Variants in GOLGA4 observed in about 807,000 individuals in gnomAD.
GOLGA4 encodes the protein golgin subfamily A member 4.
Under a neutral mutation model 265.9 loss-of-function variants are expected in GOLGA4, and 169 were observed. That is an observed-to-expected ratio of 0.64 (90% CI 0.56 to 0.72). GOLGA4 has a LOEUF of 0.72. Ranked by LOEUF, GOLGA4 falls within the 30% of genes least tolerant of loss-of-function variation. The probability of loss-of-function intolerance (pLI) is 0.00; values close to 1 mark genes in which losing one functional copy is unlikely to be tolerated. For missense variants in GOLGA4, 2,482 were observed against 2,483.4 expected, an observed-to-expected ratio of 1.00 and a Z score of 0.01; for synonymous variants, 923 against 855.8, an observed-to-expected ratio of 1.08 and a Z score of -1.37.
At chr3:37,312,490 G>A (rs2096925747) in intron 10 of GOLGA4, among the ~76,000 whole-genome samples, 1 of 151,454 alleles carries the variant, frequency 6.6e-6, no homozygotes, top group Admixed American at 6.6e-5. Flanking sequence ...CTTGGGGTTT[G>A]CAGGCAAATG....
chr3:37,288,038 T>G (rs1237393077), intron 4 of GOLGA4, among the ~76,000 whole-genome samples: 1 of 152,102 alleles, frequency 6.6e-6, no homozygotes, highest in Admixed American at 6.6e-5. Context: ...AGTACCTTCC[T>G]TACCCCACCC....
At chr3:37,364,926 G>A (rs1696631386) in intron 23 of GOLGA4, among the ~76,000 whole-genome samples, 1 of 151,662 alleles carries the variant, frequency 6.6e-6, no homozygotes, top group Non-Finnish European at 1.5e-5. Context: ...TTGAGACAAG[G>A]TGTCACTGTC....
intron 14 of GOLGA4, among the ~76,000 whole-genome samples, 183 bp from the exon 15 acceptor site, chr3:37,328,233 G>GACACACACACACAC (rs4021346): frequency 2.3e-4 from 32 of 138,536 alleles, no homozygotes; most frequent in Middle Eastern, 3.5e-3. Context: ...TATGTACCTG[G>GACACACACACACAC]ACACACACAC....
At chr3:37,330,127 A>C (rs2096985227) in intron 16 of GOLGA4, among the ~76,000 whole-genome samples, 1 of 152,082 alleles carries the variant, frequency 6.6e-6, no homozygotes, top group Middle Eastern at 3.2e-3. Context: ...GCTAAATGAA[A>C]AAAAAAAAGT....
At chr3:37,275,126 G>C (rs1913455) in intron 2 of GOLGA4, among the ~76,000 whole-genome samples, 2 of 135,686 alleles carry the variant, frequency 1.5e-5, no homozygotes, top group African/African-American at 5.5e-5. Flanking sequence ...TGAGGCAGGA[G>C]AATTGCTTGA....
chr3:37,361,991 A>G (rs1053513130), intron 23 of GOLGA4, among the ~76,000 whole-genome samples: 2 of 152,190 alleles, frequency 1.3e-5, no homozygotes, highest in African/African-American at 4.8e-5. Context: ...TTTTCATGCT[A>G]TTAGGTTGAT....
chr3:37,325,741 A>C lies in GOLGA4; in HGVS notation c.3855A>C (p.Gln1285His). 6.2e-7 allele frequency: 1 copy of C among 1,613,758 alleles called. No individual in the cohort carries two copies. Among genetic ancestry groups the C allele is most frequent in the Non-Finnish European group, 8.5e-7 (1 of 1,179,718 alleles). The change falls in exon 14 of 24, where the codon CAA becomes CAC. Residue 1285 changes from glutamine (Q) to histidine (H), a missense_variant. By Grantham distance (24) the Gln-to-His change is conservative. Transcript: ENST00000361924. ...AACTTAGACAGTTGACAGAGGAGCAAAATACACTAAATATTTCTTTTCAAC... is the reference window on the plus strand; with the variant it reads ...AACTTAGACAGTTGACAGAGGAGCACAATACACTAAATATTTCTTTTCAAC... ...EAQLRQLTEE[Q>H]NTLNISFQQA... is the part of the protein sequence containing the mutation.
In GOLGA4 at chr3:37,340,191, C is replaced by G. The variant is rs1243271741; in HGVS notation, c.6464C>G (p.Pro2155Arg). 7.5e-7 allele frequency: 1 copy of G among 1,330,632 alleles called. No homozygotes were observed. Among genetic ancestry groups the G allele is most frequent in the Non-Finnish European group, 1.1e-6 (1 of 945,878 alleles). 82.4% of individuals were successfully genotyped at this position (1,330,632 alleles called of 1,614,324 possible). The stretch of plus-strand genomic sequence containing the variant: ...GTATATGCAACAACTGTGGGGACAC[C>G]TTACAAAGGTAAGGATGATCTCGTG... ...KNVYATTVGT[P>R]YKGGNLYHTD... The change falls in exon 20 of 24, where the codon CCT becomes CGT. Residue 2155 changes from proline to arginine, a missense_variant. Pro to Arg is a moderately radical substitution (Grantham distance 103, BLOSUM62 -2). Around this residue, in one of 3 missense-constraint regions of GOLGA4, gnomAD observed 942 missense variants for 983.1 expected, o/e 0.96. Coordinates refer to ENST00000361924, the MANE Select transcript of GOLGA4 (RefSeq NM_002078.5).
At chr3:37,337,266 C>A in intron 18 of GOLGA4, 103 bp downstream of exon 18, 2 of 668,268 alleles carry the variant, frequency 3.0e-6, no homozygotes, top group Non-Finnish European at 2.6e-6. Context: ...GTGATGCAAT[C>A]TTGGCTCACT....
intron 3 of GOLGA4, among the ~76,000 whole-genome samples, chr3:37,282,844 C>T (rs2096838467): frequency 6.6e-6 from 1 of 152,186 alleles, no homozygotes; most frequent in Non-Finnish European, 1.5e-5. Context: ...CAATGCTAGT[C>T]CATTTCACTT....
At chr3:37,278,950 T>G (rs953515915) in intron 2 of GOLGA4, among the ~76,000 whole-genome samples, 2 of 152,042 alleles carry the variant, frequency 1.3e-5, no homozygotes, top group African/African-American at 2.4e-5. Context: ...GTGACTGGGA[T>G]TACAGATGTC....
chr3:37,276,083 C>T lies in GOLGA4; in HGVS notation c.163-5875C>T, dbSNP rs1433927912. 2.5e-6 allele frequency: 4 copies of T among 1,612,144 alleles called. No homozygotes were observed. The Admixed American group carries it at 6.7e-5, about 27-fold the overall frequency. The stretch of plus-strand genomic sequence containing the variant: ...TCGAGATACTTATGTTTCATCCTTT[C>T]CTCGGGCACCAAGCACTTCTGATTC... On this transcript the variant is annotated intron_variant, in intron 2 of 23. Coordinates refer to ENST00000361924, the MANE Select transcript of GOLGA4 (RefSeq NM_002078.5).
At chr3:37,245,842 G>A (rs2096717991) in intron 1 of GOLGA4, among the ~76,000 whole-genome samples, 1 of 152,048 alleles carries the variant, frequency 6.6e-6, no homozygotes, top group Non-Finnish European at 1.5e-5. Flanking sequence ...GGGATTACAG[G>A]TGTGAGCCAC....
chr3:37,304,339 G>T (rs185729209), intron 10 of GOLGA4, among the ~76,000 whole-genome samples: 81 of 152,214 alleles, frequency 5.3e-4, no homozygotes, highest in African/African-American at 1.8e-3. Context: ...CCATCTTCTT[G>T]GACTTATTTT....
chr3:37,295,443 C>G (rs1305862014), intron 6 of GOLGA4, among the ~76,000 whole-genome samples: 1 of 152,084 alleles, frequency 6.6e-6, no homozygotes, highest in African/African-American at 2.4e-5. Context: ...GGTCTCAAAC[C>G]CCTGGGCTCA....
intron 10 of GOLGA4, among the ~76,000 whole-genome samples, chr3:37,309,280 G>C (rs961528901): frequency 6.6e-6 from 1 of 150,490 alleles, no homozygotes. Flanking sequence ...TATAGGCCGG[G>C]CGTGATGGCT....
intron 11 of GOLGA4, among the ~76,000 whole-genome samples, chr3:37,316,111 A>G (rs992044537): frequency 2.6e-5 from 4 of 152,004 alleles, no homozygotes; most frequent in African/African-American, 7.3e-5. Flanking sequence ...TTAAAATCCC[A>G]TAGATTTTCA....
intron 20 of GOLGA4, among the ~76,000 whole-genome samples, chr3:37,340,578 T>C (rs76424172): frequency 0.032 from 4,820 of 152,292 alleles, 179 homozygotes; most frequent in African/African-American, 0.09. Flanking sequence ...TTCTTCCTTA[T>C]TGAACTGAAA....
At position 37,299,295 on chromosome 3, in the gene GOLGA4, A is replaced by T. The variant is rs538850316; in HGVS notation, c.1010A>T (p.His337Leu). 3.7e-6 allele frequency: 6 copies of T among 1,609,286 alleles called. No individual in the cohort carries two copies. The African/African-American group carries it at 6.7e-5, about 18-fold the overall frequency. ...TTTAAAAATTTTTTTTAGGACCTTCATATGGCCGAGAAGACTAAACTTATC... is the reference window on the plus strand; with the variant it reads ...TTTAAAAATTTTTTTTAGGACCTTCTTATGGCCGAGAAGACTAAACTTATC... ...LQELEKIKDL[H>L]MAEKTKLITQ... Residue 337 changes from histidine to leucine, a missense_variant, in exon 9 of 24, where the codon CAT becomes CTT. Coordinates refer to ENST00000361924, the MANE Select transcript of GOLGA4 (RefSeq NM_002078.5).
Sources: allele counts gnomAD v4.1 joint callset (sites outside exome capture counted in the v4.1 genomes callset), GRCh38; gene constraint gnomAD v4.1.1; regional missense constraint gnomAD v4.1.1; transcripts MANE v1.5; gene names NCBI Gene and HGNC (gene_info 2026-07-23, HGNC 2026-07-21).